DLG1: variants seen among roughly 807,000 people sequenced by gnomAD.
The protein encoded by DLG1 is discs large MAGUK scaffold protein 1, also known as disks large homolog 1.
In DLG1, 42 loss-of-function variants were observed where a neutral mutation model predicts 123.4. The observed-to-expected ratio is 0.34, with a 90% CI of 0.27 to 0.44. The LOEUF (loss-of-function observed/expected upper bound fraction) is 0.44. Among genes scored for constraint, DLG1 ranks in the 20% least tolerant of loss-of-function variants. The pLI is 1.00. For missense variants in DLG1, 942 were observed against 1,082.6 expected (o/e 0.87, Z 1.82); for synonymous variants, 317 against 356.2 (o/e 0.89, Z 1.24).
chr3:197,186,934 T>TA (rs1048700388), intron 5 of DLG1, among the ~76,000 whole-genome samples: 1 of 152,022 alleles, frequency 6.6e-6, no homozygotes, highest in African/African-American at 2.4e-5. Flanking sequence ...ACTGAAACTC[T>TA]AAAGTACAAA....
intron 16 of DLG1, among the ~76,000 whole-genome samples, chr3:197,084,871 C>T (rs903621561): frequency 4.0e-5 from 6 of 151,554 alleles, no homozygotes; most frequent in African/African-American, 9.7e-5. Flanking sequence ...ACTGCAATTT[C>T]GGCCTCCTGA....
At chr3:197,063,724 G>A (rs1035539477) in intron 22 of DLG1, among the ~76,000 whole-genome samples, 6 of 151,880 alleles carry the variant, frequency 4.0e-5, no homozygotes, top group Admixed American at 1.3e-4. Flanking sequence ...GTATATCTTT[G>A]GAATAAATTC....
Position 197,279,742 on chromosome 3 carries a change from T to G in DLG1, c.318+2937A>C, listed in dbSNP as rs185794006. On this transcript the variant is annotated intron_variant, in intron 4 of 24. Transcript: ENST00000667157. ...AAAAATTGAAGTGTTACCAATGCCA[T>G]TTTTGATGAAATTCAATGCACTACT... Among the ~76,000 whole-genome samples the G allele has an allele frequency of 9.2e-4, 140 of 152,320 alleles. 1 individual carries two copies. Among genetic ancestry groups the G allele is most frequent in the African/African-American group, 3.0e-3 (126 of 41,562 alleles).
intron 4 of DLG1, among the ~76,000 whole-genome samples, chr3:197,221,636 C>T (rs1044240375): frequency 6.6e-5 from 10 of 152,144 alleles, no homozygotes; most frequent in Non-Finnish European, 1.5e-4. Context: ...AAGAGAGAGC[C>T]TCAGTTGCAC....
At position 197,297,180 on chromosome 3, in the gene DLG1, TC is replaced by T; in HGVS notation, c.19+5del. ...TCGACAACAGAGTTACGGAATAAAC[TC>T]TCACCTTGCTTCCGGACCGGCATTT... On this transcript the variant is annotated splice_donor_5th_base_variant and intron_variant, in intron 2 of 24. Transcript: ENST00000667157. 1.9e-6 allele frequency: 3 copies of T among 1,613,922 alleles called. No individual in the cohort carries two copies. Among genetic ancestry groups the T allele is most frequent in the Non-Finnish European group, 2.5e-6 (3 of 1,179,990 alleles).
At chr3:197,149,593 T>A (rs2149754145) in intron 6 of DLG1, 150 bp downstream of exon 6, 1 of 612,574 alleles carries the variant, frequency 1.6e-6, no homozygotes, top group East Asian at 3.1e-5. Flanking sequence ...CTACTTAATT[T>A]ACTATAGCAA....
At chr3:197,156,580 A>T (rs187104993) in intron 5 of DLG1, among the ~76,000 whole-genome samples, 2 of 152,322 alleles carry the variant, frequency 1.3e-5, no homozygotes, top group East Asian at 3.9e-4. Context: ...AGATCCAGAG[A>T]CACAAATATG....
In DLG1 at chr3:197,081,084, T is replaced by G. The variant is rs1157834599; in HGVS notation, c.1872A>C (p.Thr624=). 1.2e-6 allele frequency: 2 copies of G among 1,613,514 alleles called. No individual in the cohort carries two copies. The highest frequency in any genetic ancestry group is 1.7e-5 in the Admixed American group (1 of 60,002). The change falls in exon 17 of 25, where the codon ACA becomes ACC. Residue 624 remains threonine, a synonymous_variant. Coordinates refer to ENST00000667157, the MANE Select transcript of DLG1 (RefSeq NM_001366207.1). ...VEKKERARLK[T]VKFNSKTRDK... ...CTCTCGTTTTAGAATTGAATTTCAC[T>G]GTTTTTAATCGGGCTCGTTCTTTCT...
chr3:197,198,353 T>G (rs1249940096), intron 4 of DLG1, among the ~76,000 whole-genome samples: 2 of 151,966 alleles, frequency 1.3e-5, no homozygotes, highest in African/African-American at 4.8e-5. Context: ...CCGGGTGTGG[T>G]GGTGGGCACC....
chr3:197,230,405 T>G (rs752516534), intron 4 of DLG1, among the ~76,000 whole-genome samples: 1 of 152,192 alleles, frequency 6.6e-6, no homozygotes, highest in Non-Finnish European at 1.5e-5. Context: ...ACCAAACTCC[T>G]TCACCTGTCA....
chr3:197,098,798 C>T (rs1761995490), intron 14 of DLG1, among the ~76,000 whole-genome samples: 2 of 152,232 alleles, frequency 1.3e-5, no homozygotes, highest in Non-Finnish European at 2.9e-5. Context: ...TCCCAAAGTG[C>T]TGGGATTACA....
intron 4 of DLG1, among the ~76,000 whole-genome samples, chr3:197,264,459 T>C (rs1239891553): frequency 1.3e-5 from 2 of 152,174 alleles, no homozygotes; most frequent in Non-Finnish European, 2.9e-5. Context: ...GTTTCACTCT[T>C]GTTACCCAGG....
chr3:197,208,487 A>G (rs1729739702), intron 4 of DLG1, among the ~76,000 whole-genome samples: 3 of 146,984 alleles, frequency 2.0e-5, no homozygotes, highest in Non-Finnish European at 4.6e-5. Context: ...TGTAAAACAA[A>G]TAATTAAAAA....
At chr3:197,080,926 T>G in intron 17 of DLG1, 125 bp downstream of exon 17, 2 of 751,218 alleles carry the variant, frequency 2.7e-6, no homozygotes, top group Non-Finnish European at 4.2e-6. Flanking sequence ...AATGCTTAAG[T>G]ATCTACCATT....
intron 3 of DLG1, among the ~76,000 whole-genome samples, chr3:197,295,526 T>G (rs1363657663): frequency 6.6e-6 from 1 of 152,078 alleles, no homozygotes; most frequent in Non-Finnish European, 1.5e-5. Flanking sequence ...AGACAAACTT[T>G]CTAGTTCGGT....
At chr3:197,152,844 A>G (rs1043075397) in intron 5 of DLG1, among the ~76,000 whole-genome samples, 1 of 151,944 alleles carries the variant, frequency 6.6e-6, no homozygotes, top group Admixed American at 6.6e-5. Context: ...TATTTCATCA[A>G]CAAAGGATCT....
At chr3:197,250,352 GA>G (rs1753764237) in intron 4 of DLG1, among the ~76,000 whole-genome samples, 1 of 151,930 alleles carries the variant, frequency 6.6e-6, no homozygotes, top group South Asian at 2.1e-4. Flanking sequence ...GGTGAATCAC[GA>G]GGTCAGGAGT....
chr3:197,208,427 G>T (rs535544161), intron 4 of DLG1, among the ~76,000 whole-genome samples: 40 of 146,626 alleles, frequency 2.7e-4, no homozygotes, highest in African/African-American at 9.7e-4. Flanking sequence ...TAGAAATATT[G>T]CCATGTTTAC....
At chr3:197,085,001 C>T (rs1415104360) in intron 16 of DLG1, among the ~76,000 whole-genome samples, 3 of 151,254 alleles carry the variant, frequency 2.0e-5, no homozygotes, top group Non-Finnish European at 2.9e-5. Context: ...TGGCCAGGCT[C>T]GTCTTGAACT....
Sources: allele counts gnomAD v4.1 joint callset (sites outside exome capture counted in the v4.1 genomes callset), GRCh38; gene constraint gnomAD v4.1.1; transcripts MANE v1.5; gene names NCBI Gene and HGNC (gene_info 2026-07-23, HGNC 2026-07-21).